Variants in RGS17 observed in about 807,000 individuals in gnomAD.
RGS17 encodes the protein regulator of G protein signaling 17, also known as regulator of G-protein signaling 17.
Under a neutral mutation model 25.5 loss-of-function variants are expected in RGS17, and 12 were observed. The ratio of observed to expected loss-of-function variants is 0.47; its 90% CI spans 0.30 to 0.76. RGS17 has a LOEUF of 0.76. Ranked by LOEUF, RGS17 falls within the 30% of genes least tolerant of loss-of-function variation. The pLI is 0.07. For missense variants in RGS17, 196 were observed against 242.2 expected (o/e 0.81, Z 1.27); for synonymous variants, 71 against 76.9 (o/e 0.92, Z 0.40).
chr6:153,074,212 T>C (rs943015093), intron 1 of RGS17, among the ~76,000 whole-genome samples: 25 of 152,288 alleles, frequency 1.6e-4, no homozygotes, highest in African/African-American at 5.1e-4. Flanking sequence ...TACACAATTT[T>C]TTTACATTTC....
Position 153,017,908 on chromosome 6 carries a change from T to C in RGS17, c.445-6146A>G, listed in dbSNP as rs991260557. Reference sequence around the variant, plus strand: ...TTTCTTTTCTGCTTTTAATTTGAACTAAATTTGGTATTCCTATGTTAAATT... The same window carrying C: ...TTTCTTTTCTGCTTTTAATTTGAACCAAATTTGGTATTCCTATGTTAAATT... On this transcript the variant is annotated intron_variant, in intron 4 of 4. Coordinates refer to ENST00000206262, the MANE Select transcript of RGS17 (RefSeq NM_012419.5). 3.3e-5 allele frequency among the ~76,000 whole-genome samples: 5 copies of C among 152,356 alleles called. No homozygotes were observed. The South Asian group carries it at 1.0e-3, about 32-fold the overall frequency.
intron 2 of RGS17, among the ~76,000 whole-genome samples, chr6:153,034,877 C>T (rs912415686): frequency 3.9e-5 from 6 of 152,082 alleles, no homozygotes; most frequent in Non-Finnish European, 5.9e-5. Flanking sequence ...TGGCTGCGAG[C>T]GGCGGCTGAT....
chr6:153,113,222 T>A (rs1777498065), intron 1 of RGS17, among the ~76,000 whole-genome samples: 1 of 150,684 alleles, frequency 6.6e-6, no homozygotes, highest in Non-Finnish European at 1.5e-5. Flanking sequence ...AATAAAGGAA[T>A]GGAAGAATAT....
intron 1 of RGS17, among the ~76,000 whole-genome samples, chr6:153,059,499 T>G (rs1776607524): frequency 6.6e-6 from 1 of 152,212 alleles, no homozygotes; most frequent in African/African-American, 2.4e-5. Flanking sequence ...TGGAATTGAA[T>G]CACAAAGTTC....
intron 1 of RGS17, among the ~76,000 whole-genome samples, chr6:153,114,022 T>C (rs994717069): frequency 6.6e-6 from 1 of 151,816 alleles, no homozygotes; most frequent in Non-Finnish European, 1.5e-5. Context: ...TCAAAAGAAC[T>C]AGAGAGGCAA....
intron 4 of RGS17, among the ~76,000 whole-genome samples, chr6:153,019,722 C>T (rs755470754): frequency 6.6e-6 from 1 of 152,138 alleles, no homozygotes; most frequent in Non-Finnish European, 1.5e-5. Flanking sequence ...CCTGAGGCCT[C>T]CCTAGAAGCT....
At chr6:153,013,610 C>T (rs1006215399) in intron 4 of RGS17, among the ~76,000 whole-genome samples, 4 of 152,182 alleles carry the variant, frequency 2.6e-5, no homozygotes, top group Non-Finnish European at 5.9e-5. Flanking sequence ...GAAAGTTAGC[C>T]AAGTTGTGTA....
chr6:153,004,617 C>G lies in RGS17; in HGVS notation c.*6957G>C, dbSNP rs1584113351. ...AACTCAAACCTATAGTTCGAGACTT[C>G]TGAATATTTTTACATTACTGTCATG... On this transcript the variant is annotated 3_prime_UTR_variant, in exon 5 of 5. Transcript: ENST00000206262. 6.6e-6 allele frequency: 1 copy of G among 152,042 alleles called. No individual in the cohort carries two copies. Among genetic ancestry groups the G allele is most frequent in the African/African-American group, 2.4e-5 (1 of 41,396 alleles). The allele number at this position is 152,042 out of a possible 1,614,324, so 9.4% of individuals were successfully genotyped here. A position where few individuals can be genotyped will look rare whatever the true frequency, so the allele number is the denominator to read the frequency against.
At chr6:153,057,911 C>T (rs973331748) in intron 1 of RGS17, among the ~76,000 whole-genome samples, 2 of 152,184 alleles carry the variant, frequency 1.3e-5, no homozygotes, top group African/African-American at 2.4e-5. Context: ...GGAGGCAGAG[C>T]TCAGGTAGTA....
At position 153,024,293 on chromosome 6, in the gene RGS17, T is replaced by C; in HGVS notation, c.413A>G (p.Glu138Gly). ...VIEEKARMIY[E>G]DYISILSPKE... ...TGGTGATAGTATAGAAATGTAATCTTCATATATCATCCTAGCCTTTTCTTC... is the reference window on the plus strand; with the variant it reads ...TGGTGATAGTATAGAAATGTAATCTCCATATATCATCCTAGCCTTTTCTTC... The change falls in exon 4 of 5, where the codon GAA (glutamate) becomes GGA (glycine). Residue 138 changes from glutamate to glycine, a missense_variant. By Grantham distance (98) the Glu-to-Gly change is moderately conservative (BLOSUM62 -2). Around this residue, in one of 2 missense-constraint regions of RGS17, gnomAD observed 179 missense variants for 197.6 expected, o/e 0.91. Coordinates refer to ENST00000206262, the MANE Select transcript of RGS17 (RefSeq NM_012419.5). 6.2e-7 allele frequency: 1 copy of C among 1,612,554 alleles called. No homozygotes were observed. The highest frequency in any genetic ancestry group is 8.5e-7 in the Non-Finnish European group (1 of 1,178,784).
chr6:153,039,017 T>C (rs1413528132), intron 2 of RGS17, among the ~76,000 whole-genome samples: 2 of 152,206 alleles, frequency 1.3e-5, no homozygotes, highest in Non-Finnish European at 2.9e-5. Context: ...ATTCAGTCTG[T>C]GACCAATTTC....
chr6:153,105,597 T>TA (rs1777367768), intron 1 of RGS17, among the ~76,000 whole-genome samples: 1 of 152,002 alleles, frequency 6.6e-6, no homozygotes, highest in Non-Finnish European at 1.5e-5. Flanking sequence ...CAGTTTAATT[T>TA]AAAAAAATGC....
chr6:153,098,010 G>A (rs1455941264), intron 1 of RGS17, among the ~76,000 whole-genome samples: 2 of 152,052 alleles, frequency 1.3e-5, no homozygotes, highest in South Asian at 2.1e-4. Context: ...CTTGGGTAGT[G>A]GTAGAAACGG....
At chr6:153,043,854 TGCCTGCCAA>T in intron 2 of RGS17, 37 bp downstream of exon 2, 1 of 1,202,554 alleles carries the variant, frequency 8.3e-7, no homozygotes, top group Non-Finnish European at 1.2e-6. Flanking sequence ...TTCACACTAG[TGCCTGCCAA>T]GCCTGGGTGT....
chr6:153,038,721 C>CA (rs1256393888), intron 2 of RGS17, among the ~76,000 whole-genome samples: 8 of 152,094 alleles, frequency 5.3e-5, no homozygotes, highest in African/African-American at 1.4e-4. Flanking sequence ...TTTTTCCTTT[C>CA]AAAAAATATC....
intron 1 of RGS17, among the ~76,000 whole-genome samples, chr6:153,083,375 A>T (rs369220154): frequency 2.6e-3 from 393 of 152,336 alleles, no homozygotes; most frequent in Non-Finnish European, 4.7e-3. Context: ...TAGATTTTTT[A>T]AAATTCTCTT....
chr6:153,080,170 C>T (rs144841061), intron 1 of RGS17, among the ~76,000 whole-genome samples: 11,783 of 151,902 alleles, frequency 0.078, 625 homozygotes, highest in East Asian at 0.17. Flanking sequence ...TTAGTAGAGA[C>T]GGGGTTTCAC....
At chr6:153,014,449 C>T (rs1031443290) in intron 4 of RGS17, among the ~76,000 whole-genome samples, 1 of 152,180 alleles carries the variant, frequency 6.6e-6, no homozygotes, top group Non-Finnish European at 1.5e-5. Context: ...ACACAGCATC[C>T]ATTCTGCAGC....
At chr6:153,028,207 G>A (rs182683988) in intron 2 of RGS17, among the ~76,000 whole-genome samples, 1 of 152,160 alleles carries the variant, frequency 6.6e-6, no homozygotes, top group Non-Finnish European at 1.5e-5. Context: ...CCCATTTCTA[G>A]GGACAGGGGC....
Sources: allele counts gnomAD v4.1 joint callset (sites outside exome capture counted in the v4.1 genomes callset), GRCh38; gene constraint gnomAD v4.1.1; regional missense constraint gnomAD v4.1.1; transcripts MANE v1.5; gene names NCBI Gene and HGNC (gene_info 2026-07-23, HGNC 2026-07-21).